Variants in HTR3B observed in about 807,000 individuals in gnomAD.
HTR3B encodes 5-hydroxytryptamine (serotonin) receptor 3B, ionotropic.
Under a neutral mutation model 42.8 loss-of-function variants are expected in HTR3B, and 44 were observed. The observed-to-expected ratio is 1.03, with a 90% CI of 0.81 to 1.32. The LOEUF is 1.32. Ranked by LOEUF, HTR3B falls within the 40% of genes most tolerant of loss-of-function variation. The probability of loss-of-function intolerance (pLI) is 0.00; values close to 1 mark genes in which losing one functional copy is unlikely to be tolerated. For synonymous variants in HTR3B, 203 were observed against 209.0 expected (o/e 0.97, Z 0.25); for missense variants, 527 against 536.5 (o/e 0.98, Z 0.17).
At chr11:113,940,348 C>T (rs1005585116) in intron 6 of HTR3B, among the ~76,000 whole-genome samples, 2 of 152,160 alleles carry the variant, frequency 1.3e-5, no homozygotes, top group Non-Finnish European at 2.9e-5. Context: ...CCCGTCACCC[C>T]GACCCCACAG....
At chr11:113,905,184 C>T (rs760158906) in intron 1 of HTR3B, among the ~76,000 whole-genome samples, 199 bp downstream of exon 1, 6 of 151,838 alleles carry the variant, frequency 4.0e-5, no homozygotes, top group Non-Finnish European at 7.4e-5. Context: ...AATACGTATA[C>T]ATATAGCATC....
At position 113,939,552 on chromosome 11, in the gene HTR3B, G is replaced by A. The variant is rs892931855; in HGVS notation, c.697-3430G>A. Among the ~76,000 whole-genome samples the A allele has an allele frequency of 3.9e-5, 6 of 152,058 alleles. No homozygotes were observed. The South Asian group carries it at 1.0e-3, about 27-fold the overall frequency. On this transcript the variant is annotated intron_variant, in intron 6 of 8. Transcript: ENST00000260191. Reference sequence around the variant, plus strand: ...CCTCAGATGATTTCTCGGGGAACACGTGGTCTGATAAACCTGTACTTTCTT... The same window carrying A: ...CCTCAGATGATTTCTCGGGGAACACATGGTCTGATAAACCTGTACTTTCTT...
intron 6 of HTR3B, among the ~76,000 whole-genome samples, chr11:113,938,583 C>T (rs188453047): frequency 4.2e-4 from 64 of 152,268 alleles, no homozygotes; most frequent in African/African-American, 1.5e-3. Context: ...TAGTACCAGA[C>T]AACCTGTTCA....
At chr11:113,902,895 G>T (rs558999805), upstream of HTR3B, among the ~76,000 whole-genome samples, 2 of 152,018 alleles carry the variant, frequency 1.3e-5, no homozygotes, top group East Asian at 1.9e-4. Context: ...TTGAGACAGG[G>T]TCTACCTCTA....
chr11:113,923,263 C>A (rs570877451), intron 2 of HTR3B, among the ~76,000 whole-genome samples: 1 of 152,170 alleles, frequency 6.6e-6, no homozygotes, highest in African/African-American at 2.4e-5. Flanking sequence ...GAACTGCTGG[C>A]AACTTTTGTT....
intron 6 of HTR3B, among the ~76,000 whole-genome samples, 181 bp from the exon 7 acceptor site, chr11:113,942,800 AT>A (rs1000676391): frequency 8.5e-5 from 13 of 152,094 alleles, no homozygotes; most frequent in Admixed American, 2.0e-4. Context: ...AACTTAAAGG[AT>A]TTTTTTCTCT....
chr11:113,931,413 T>C lies in HTR3B; in HGVS notation c.243T>C (p.Ser81=). The change falls in exon 3 of 9, where the codon AGT becomes AGC. Residue 81 remains serine (S), a synonymous_variant. Coordinates refer to ENST00000260191, the MANE Select transcript of HTR3B (RefSeq NM_006028.5). ...CAGAGAATCAAATATTAAAGACAAG[T>C]GTATGGTACCAAGAGGTAAATAATT... ...VDAENQILKT[S]VWYQEVWNDE... 2.5e-6 allele frequency: 4 copies of C among 1,599,316 alleles called. No homozygotes were observed. The highest frequency in any genetic ancestry group is 3.4e-6 in the Non-Finnish European group (4 of 1,170,844).
At chr11:113,915,814 T>G (rs768425856) in intron 2 of HTR3B, among the ~76,000 whole-genome samples, 11 of 152,194 alleles carry the variant, frequency 7.2e-5, no homozygotes, top group Non-Finnish European at 1.3e-4. Context: ...CTCCACATAA[T>G]CACTACTCCT....
intron 2 of HTR3B, among the ~76,000 whole-genome samples, chr11:113,923,250 T>A (rs1442719340): frequency 6.6e-6 from 1 of 152,200 alleles, no homozygotes; most frequent in Non-Finnish European, 1.5e-5. Flanking sequence ...TCTGCCAGCA[T>A]CTGAACTGCT....
chr11:113,943,027 A>G lies in HTR3B; in HGVS notation c.742A>G (p.Ile248Val), dbSNP rs746773022. Residue 248 changes from isoleucine (I) to valine (V), a missense_variant, in exon 7 of 9, where the codon ATT becomes GTT. Transcript: ENST00000260191. Reference protein sequence around the residue: ...HPLVYVVSLLIPSIFLMLVDL... With the variant: ...HPLVYVVSLLVPSIFLMLVDL... ...CCTGGTCTATGTCGTGAGTCTGCTG[A>G]TTCCTAGCATCTTTCTCATGCTGGT... is the stretch of plus-strand genomic sequence containing the variant. 2.4e-5 allele frequency: 39 copies of G among 1,613,944 alleles called. No individual in the cohort carries two copies. The highest frequency in any genetic ancestry group is 1.3e-5 in the African/African-American group (1 of 74,872).
rs760086876 is a variant in HTR3B, at chr11:113,947,445, A to C, written c.*1308A>C. Among the ~76,000 whole-genome samples, 21 of 152,140 alleles carry C rather than the reference A, an allele frequency of 1.4e-4. No individual in the cohort carries two copies. Among genetic ancestry groups the C allele is most frequent in the Non-Finnish European group, 2.6e-4 (18 of 68,016 alleles). Reference sequence around the variant, plus strand: ...ACTAGTCAGCTAGGAAATACTACACACTAAGTTGCTTTAAGAGAGATTTAT... The same window carrying C: ...ACTAGTCAGCTAGGAAATACTACACCCTAAGTTGCTTTAAGAGAGATTTAT... On this transcript the variant is annotated 3_prime_UTR_variant, in exon 9 of 9. Coordinates refer to ENST00000260191, the MANE Select transcript of HTR3B (RefSeq NM_006028.5).
At chr11:113,909,111 T>C in intron 1 of HTR3B, 184 bp from the exon 2 acceptor site, 1 of 610,564 alleles carries the variant, frequency 1.6e-6, no homozygotes, top group African/African-American at 1.8e-5. Context: ...ATTGGGCACT[T>C]AGGCCATCAG....
Position 113,931,704 on chromosome 11 carries a change from C to T in HTR3B, c.259-54C>T, listed in dbSNP as rs190474252. The T allele has an allele frequency of 1.7e-4, 176 of 1,010,664 alleles. No homozygotes were observed. In the African/African-American group the frequency reaches 1.8e-3, roughly 11 times the overall value. The allele number at this position is 1,010,664 out of a possible 1,614,324, so 62.6% of individuals were successfully genotyped here. A position where few individuals can be genotyped will look rare whatever the true frequency, so the allele number is the denominator to read the frequency against. ...TCCAAATGCCTCTTTAGTTCTTTAGCGAAGTAGATATTGCCCCATTTTGAT... is the reference window on the plus strand; with the variant it reads ...TCCAAATGCCTCTTTAGTTCTTTAGTGAAGTAGATATTGCCCCATTTTGAT... On this transcript the variant is annotated intron_variant, in intron 3 of 8. Coordinates refer to ENST00000260191, the MANE Select transcript of HTR3B (RefSeq NM_006028.5).
At chr11:113,936,493 A>G (rs1186063334) in intron 6 of HTR3B, among the ~76,000 whole-genome samples, 2 of 152,104 alleles carry the variant, frequency 1.3e-5, no homozygotes, top group Admixed American at 6.6e-5. Flanking sequence ...TATTGAATGC[A>G]GCTTATAAAC....
chr11:113,942,141 A>G lies in HTR3B; in HGVS notation c.697-841A>G, dbSNP rs907556565. ...TCCCAGCACTTTGGGAGGCTGAGGC[A>G]GGGGGATCACCTGAGGTCAGGAGTT... On this transcript the variant is annotated intron_variant, in intron 6 of 8. Coordinates refer to ENST00000260191, the MANE Select transcript of HTR3B (RefSeq NM_006028.5). Among the ~76,000 whole-genome samples, 6 of 152,186 alleles carry G rather than the reference A, an allele frequency of 3.9e-5. No homozygotes were observed. In the South Asian group the frequency reaches 1.2e-3, roughly 32 times the overall value.
In HTR3B at chr11:113,944,617, GCT is replaced by G; in HGVS notation, c.953_954del (p.Ala318GlufsTer11). 1 of 1,614,178 alleles carries G rather than the reference GCT, an allele frequency of 6.2e-7. No homozygotes were observed. The highest frequency in any genetic ancestry group is 8.5e-7 in the Non-Finnish European group (1 of 1,180,020). ...ICMAFLVLSLAKSIVLVKFLH... is the reference protein window; with the variant it reads ...ICMAFLVLSLXKSIVLVKFLH... Reference sequence around the variant, plus strand: ...CATGGCCTTCTTGGTTCTCAGCTTAGCTAAGTCCATCGTGTTGGTCAAATTCC... The same window carrying G: ...CATGGCCTTCTTGGTTCTCAGCTTAGAAGTCCATCGTGTTGGTCAAATTCC... On this transcript the variant is annotated frameshift_variant, in exon 8 of 9. Coordinates refer to ENST00000260191, the MANE Select transcript of HTR3B (RefSeq NM_006028.5). LOFTEE classifies it high-confidence loss of function.
intron 6 of HTR3B, among the ~76,000 whole-genome samples, chr11:113,933,672 C>T (rs953269392): frequency 6.6e-6 from 1 of 152,110 alleles, no homozygotes; most frequent in Non-Finnish European, 1.5e-5. Flanking sequence ...TCCGATGCAG[C>T]CCTTGGCTGC....
Position 113,948,812 on chromosome 11 carries a change from G to C in HTR3B, c.*2675G>C, listed in dbSNP as rs1046880318. On this transcript the variant is annotated 3_prime_UTR_variant, in exon 9 of 9. Transcript: ENST00000260191. Reference sequence around the variant, plus strand: ...CAGGAGGTGGAGGTTGCGGTGAGCCGAGATCGTGCCATTGCACTCCAGCCC... The same window carrying C: ...CAGGAGGTGGAGGTTGCGGTGAGCCCAGATCGTGCCATTGCACTCCAGCCC... 6.6e-6 allele frequency among the ~76,000 whole-genome samples: 1 copy of C among 150,924 alleles called. No homozygotes were observed. Among genetic ancestry groups the C allele is most frequent in the Non-Finnish European group, 1.5e-5 (1 of 67,920 alleles).
At chr11:113,924,985 T>A (rs1490186020) in intron 2 of HTR3B, among the ~76,000 whole-genome samples, 1 of 152,216 alleles carries the variant, frequency 6.6e-6, no homozygotes, top group South Asian at 2.1e-4. Flanking sequence ...GTTAGTAATT[T>A]GCTTTCTTGA....
Sources: gnomAD v4.1 joint callset for allele counts (sites outside exome capture counted in the v4.1 genomes callset) on GRCh38, gnomAD v4.1.1 for gene constraint, MANE v1.5 for transcripts, NCBI Gene and HGNC (gene_info 2026-07-23, HGNC 2026-07-21) for gene names.